Variants in SRGAP1 observed in about 807,000 individuals in gnomAD.
SRGAP1 encodes the protein SLIT-ROBO Rho GTPase-activating protein 1.
A neutral mutation model predicts 121.9 loss-of-function variants in SRGAP1; 43 were observed. The ratio of observed to expected loss-of-function variants is 0.35; its 90% CI spans 0.28 to 0.46. The LOEUF (loss-of-function observed/expected upper bound fraction) is 0.46. SRGAP1 is among the 20% of genes least tolerant of loss of function. SRGAP1 has a pLI of 1.00. For missense variants in SRGAP1, 1,102 were observed against 1,350.9 expected, an observed-to-expected ratio of 0.82 and a Z score of 2.89; for synonymous variants, 447 against 485.4, an observed-to-expected ratio of 0.92 and a Z score of 1.04.
At chr12:63,913,229 C>T (rs1241190850) in intron 1 of SRGAP1, among the ~76,000 whole-genome samples, 1 of 91,910 alleles carries the variant, frequency 1.1e-5, no homozygotes, top group Non-Finnish European at 2.0e-5. Context: ...TTTTTTGAGA[C>T]AGGGTCTCAC....
intron 18 of SRGAP1, among the ~76,000 whole-genome samples, chr12:64,123,166 A>T (rs955352179): frequency 2.6e-5 from 4 of 152,358 alleles, no homozygotes; most frequent in Admixed American, 2.6e-4. Context: ...GTGTTCACAC[A>T]GGAATTTGCA....
chr12:64,080,373 G>A lies in SRGAP1; in HGVS notation c.1408+3G>A, dbSNP rs200404910. On this transcript the variant is annotated splice_donor_region_variant and intron_variant, in intron 10 of 21. Coordinates refer to ENST00000355086, the MANE Select transcript of SRGAP1 (RefSeq NM_020762.4). ...GCTGCAGAGGACCCTGGGAGAAGGT[G>A]AGTTATCCAAAATGTATGGGAAGAT... 6.2e-7 allele frequency: 1 copy of A among 1,610,922 alleles called. No homozygotes were observed. Among genetic ancestry groups the A allele is most frequent in the Admixed American group, 1.7e-5 (1 of 59,992 alleles).
At chr12:63,902,012 C>T (rs143673764) in intron 1 of SRGAP1, among the ~76,000 whole-genome samples, 2 of 152,268 alleles carry the variant, frequency 1.3e-5, no homozygotes, top group East Asian at 3.9e-4. Context: ...AAAATCAAGA[C>T]ATGTTTTACA....
intron 1 of SRGAP1, among the ~76,000 whole-genome samples, chr12:63,849,967 A>C (rs1899022113): frequency 6.6e-6 from 1 of 152,234 alleles, no homozygotes; most frequent in South Asian, 2.1e-4. Flanking sequence ...TGGAACTAAG[A>C]GAGCAAGGAA....
intron 1 of SRGAP1, among the ~76,000 whole-genome samples, chr12:63,903,046 A>T (rs919498476): frequency 3.3e-5 from 5 of 150,912 alleles, no homozygotes; most frequent in African/African-American, 1.2e-4. Context: ...GTCTGAAATG[A>T]TACTAGGATT....
intron 1 of SRGAP1, among the ~76,000 whole-genome samples, chr12:63,940,702 G>T (rs761584238): frequency 1.3e-4 from 20 of 152,154 alleles, no homozygotes; most frequent in Non-Finnish European, 2.4e-4. Flanking sequence ...CTAACTATCA[G>T]CTTAAAAACA....
chr12:63,946,520 G>A (rs2032052758), intron 1 of SRGAP1, among the ~76,000 whole-genome samples: 1 of 149,022 alleles, frequency 6.7e-6, no homozygotes, highest in Admixed American at 6.7e-5. Flanking sequence ...TTGCTGGTTA[G>A]TTTGTATTTT....
chr12:64,006,721 A>G (rs967379425), intron 3 of SRGAP1, among the ~76,000 whole-genome samples: 3 of 152,136 alleles, frequency 2.0e-5, no homozygotes, highest in African/African-American at 7.2e-5. Flanking sequence ...TATACTTACA[A>G]TGACATTGCC....
intron 3 of SRGAP1, among the ~76,000 whole-genome samples, chr12:64,010,016 A>G (rs778002674): frequency 9.9e-4 from 150 of 152,158 alleles, no homozygotes; most frequent in Non-Finnish European, 1.7e-3. Context: ...AAGGGAATGT[A>G]TCATAGAGAC....
intron 12 of SRGAP1, among the ~76,000 whole-genome samples, chr12:64,092,645 AT>A (rs1303736533): frequency 6.6e-6 from 1 of 152,180 alleles, no homozygotes. Context: ...ATTGGCTCTA[AT>A]TTAATATAAA....
rs1416200929 is a variant in SRGAP1, at chr12:63,902,738, A to C, written c.67+57855A>C. Among the ~76,000 whole-genome samples the C allele has an allele frequency of 3.3e-5, 5 of 152,196 alleles. No homozygotes were observed. In the South Asian group the frequency reaches 6.2e-4, roughly 19 times the overall value. On this transcript the variant is annotated intron_variant, in intron 1 of 21. Transcript: ENST00000355086. ...AGACCTGCACAATCCAATTGCTTAA[A>C]ATTAGTTTGCTTGCTTATTATTATT...
chr12:63,871,057 G>A (rs11175194), intron 1 of SRGAP1, among the ~76,000 whole-genome samples: 23,616 of 152,058 alleles, frequency 0.16, 2,831 homozygotes, highest in East Asian at 0.4. Flanking sequence ...CATTTGTAAC[G>A]AGTTACCAGG....
intron 3 of SRGAP1, among the ~76,000 whole-genome samples, chr12:63,992,237 G>GAA (rs1565626576): frequency 4.6e-5 from 7 of 152,114 alleles, no homozygotes; most frequent in Non-Finnish European, 1.0e-4. Flanking sequence ...TTGTAAGTCA[G>GAA]AGTCAAGGGC....
intron 1 of SRGAP1, among the ~76,000 whole-genome samples, chr12:63,874,371 CTT>C (rs1426288613): frequency 6.6e-6 from 1 of 151,876 alleles, no homozygotes; most frequent in Non-Finnish European, 1.5e-5. Context: ...GCCTGGCTAA[CTT>C]TTTGTATTTT....
At chr12:64,118,830 G>C (rs531977855) in intron 18 of SRGAP1, among the ~76,000 whole-genome samples, 22 of 151,506 alleles carry the variant, frequency 1.5e-4, no homozygotes, top group African/African-American at 5.3e-4. Flanking sequence ...CAAGTGATTC[G>C]CCTGCCTCAG....
intron 4 of SRGAP1, 107 bp from the exon 5 acceptor site, chr12:64,042,683 C>G: frequency 1.4e-6 from 1 of 729,400 alleles, no homozygotes; most frequent in South Asian, 2.7e-5. Flanking sequence ...TTCCCCTCTG[C>G]CATTTGGAAG....
intron 1 of SRGAP1, among the ~76,000 whole-genome samples, chr12:63,953,016 G>T (rs141038716): frequency 6.6e-6 from 1 of 152,120 alleles, no homozygotes. Context: ...TTGAAAGCAG[G>T]TATTGTTCCC....
At chr12:63,873,259 G>A (rs1014530888) in intron 1 of SRGAP1, among the ~76,000 whole-genome samples, 10 of 152,010 alleles carry the variant, frequency 6.6e-5, no homozygotes, top group African/African-American at 1.7e-4. Flanking sequence ...GGCCGGGCGC[G>A]GTAGCTCACA....
intron 21 of SRGAP1, among the ~76,000 whole-genome samples, chr12:64,141,366 G>A (rs1437703619): frequency 1.6e-4 from 25 of 151,844 alleles, no homozygotes; most frequent in Non-Finnish European, 3.2e-4. Flanking sequence ...CGGATCATGA[G>A]GTCAGGAGTT....
Sources: allele counts gnomAD v4.1 joint callset (sites outside exome capture counted in the v4.1 genomes callset), GRCh38; gene constraint gnomAD v4.1.1; transcripts MANE v1.5; gene names NCBI Gene and HGNC (gene_info 2026-07-23, HGNC 2026-07-21).